Variants in PHACTR2 observed in about 807,000 individuals in gnomAD.
PHACTR2 encodes chromosome 6 open reading frame 56.
In PHACTR2, 30 loss-of-function variants were observed where a neutral mutation model predicts 76.0. The observed-to-expected ratio is 0.39, with a 90% CI of 0.30 to 0.54. PHACTR2 has a LOEUF of 0.54. Ranked by LOEUF, PHACTR2 falls within the 20% of genes least tolerant of loss-of-function variation. PHACTR2 has a pLI of 0.61. For synonymous variants in PHACTR2, 292 were observed against 292.5 expected (o/e 1.00, Z 0.02); for missense variants, 696 against 781.1 (o/e 0.89, Z 1.30).
upstream of PHACTR2, among the ~76,000 whole-genome samples, chr6:143,673,411 G>T (rs1777190329): frequency 6.6e-6 from 1 of 151,660 alleles, no homozygotes; most frequent in African/African-American, 2.4e-5. Flanking sequence ...TATGTATTCA[G>T]TACCCTCTAT....
rs112494577 is a variant in PHACTR2, at chr6:143,652,390, C to CTGTTTGTTTGTT, written c.13+44086_13+44097dup. ...CAGCTAGACAAAGGTACCTGCGCTG[C>CTGTTTGTTTGTT]TGTTTGTTTGTTTGTTTGTTTGTTT... On this transcript the variant is annotated intron_variant, in intron 1 of 11. Transcript: ENST00000305766. The surrounding 1 kb of genome is among the most constrained non-coding windows in gnomAD (Gnocchi z 4.5). Among the ~76,000 whole-genome samples the CTGTTTGTTTGTT allele has an allele frequency of 2.7e-3, 408 of 151,998 alleles. 1 individual carries two copies. The highest frequency in any genetic ancestry group is 9.4e-3 in the African/African-American group (390 of 41,396).
chr6:143,548,264 C>A lies in PHACTR2; in HGVS notation c.217+11057C>A, dbSNP rs900407024. Among the ~76,000 whole-genome samples the A allele has an allele frequency of 2.7e-5, 4 of 149,826 alleles. No homozygotes were observed. ...TTCATGAAGGTTCCACCCTCAATAC[C>A]TCATCTAATCCTTATTACCTCCCAA... On this transcript the variant is annotated intron_variant, in intron 1 of 11. Coordinates refer to the PHACTR2 transcript ENST00000367584. This position sits in a 1 kb window ranked among gnomAD's most constrained non-coding sequence, Gnocchi z 4.5.
At chr6:143,732,212 G>A (rs941173822) in intron 2 of PHACTR2, among the ~76,000 whole-genome samples, 1 of 152,168 alleles carries the variant, frequency 6.6e-6, no homozygotes, top group Admixed American at 6.5e-5. Flanking sequence ...ATATTCATGA[G>A]CTGTGAAACC....
At chr6:143,644,479 A>AG (rs1175592036) in intron 1 of PHACTR2, among the ~76,000 whole-genome samples, 1 of 145,420 alleles carries the variant, frequency 6.9e-6, no homozygotes, top group Admixed American at 6.9e-5. Flanking sequence ...AAAAAAAAAA[A>AG]AAAAAAGTAC....
At chr6:143,626,298 G>C (rs1388257551) in intron 1 of PHACTR2, among the ~76,000 whole-genome samples, 1 of 152,158 alleles carries the variant, frequency 6.6e-6, no homozygotes, top group African/African-American at 2.4e-5. Flanking sequence ...AGCACTTTGG[G>C]AGGCCGAGAT....
intron 1 of PHACTR2, among the ~76,000 whole-genome samples, chr6:143,630,183 T>C (rs1045589280): frequency 3.1e-5 from 4 of 128,204 alleles, no homozygotes; most frequent in Admixed American, 8.0e-5. Context: ...TAAATATTAT[T>C]TGAATGAAGA....
At position 143,679,109 on chromosome 6, in the gene PHACTR2, A is replaced by G. The variant is rs144951265; in HGVS notation, c.46+900A>G. 0.012 allele frequency among the ~76,000 whole-genome samples: 1,865 copies of G among 152,300 alleles called. 15 individuals are homozygous for G. The highest frequency in any genetic ancestry group is 0.017 in the Non-Finnish European group (1,168 of 68,020). On this transcript the variant is annotated intron_variant, in intron 1 of 12. Coordinates refer to ENST00000440869, the MANE Select transcript of PHACTR2 (RefSeq NM_001100164.2). This position sits in a 1 kb window ranked among gnomAD's most constrained non-coding sequence, Gnocchi z 4.6. ...TTGATACACTTTTTAAATTGTGCAA[A>G]CATCAACAGGATCTTGCTGAAAGGA...
chr6:143,649,856 G>A (rs1776726810), intron 1 of PHACTR2, among the ~76,000 whole-genome samples: 5 of 152,162 alleles, frequency 3.3e-5, no homozygotes, highest in Admixed American at 2.6e-4. Flanking sequence ...AATCAGGCAA[G>A]AGAAAGAAAT....
intron 1 of PHACTR2, among the ~76,000 whole-genome samples, chr6:143,668,819 C>G (rs1777094323): frequency 6.6e-6 from 1 of 152,048 alleles, no homozygotes; most frequent in South Asian, 2.1e-4. Context: ...TTCAAAAAAC[C>G]AGCTCCTGGA....
Position 143,820,807 on chromosome 6 carries a change from G to A in PHACTR2, c.1923-2867G>A, listed in dbSNP as rs1428270567. Among the ~76,000 whole-genome samples, 1 of 152,242 alleles carries A rather than the reference G, an allele frequency of 6.6e-6. No individual in the cohort carries two copies. The highest frequency in any genetic ancestry group is 2.4e-5 in the African/African-American group (1 of 41,472). On this transcript the variant is annotated intron_variant, in intron 12 of 12. Coordinates refer to ENST00000440869, the MANE Select transcript of PHACTR2 (RefSeq NM_001100164.2). The surrounding 1 kb of genome is among the most constrained non-coding windows in gnomAD (Gnocchi z 4.2). The stretch of plus-strand genomic sequence containing the variant: ...CTCATTTCCCTTCCACACTGCCCTA[G>A]TAGAGGTTCTCTGTGGGGGCTGTGC...
At position 143,822,173 on chromosome 6, in the gene PHACTR2, A is replaced by T. The variant is rs1297366407; in HGVS notation, c.1923-1501A>T. On this transcript the variant is annotated intron_variant, in intron 12 of 12. Transcript: ENST00000440869. This position sits in a 1 kb window ranked among gnomAD's most constrained non-coding sequence, Gnocchi z 5.5. ...CTTACTTGCTACTCCAGGAACTTTA[A>T]ATTTTATTTTGTTGGCTTTCTTATT... Among the ~76,000 whole-genome samples the T allele has an allele frequency of 2.0e-5, 3 of 152,072 alleles. No individual in the cohort carries two copies. Among genetic ancestry groups the T allele is most frequent in the South Asian group, 2.1e-4 (1 of 4,822 alleles).
intron 4 of PHACTR2, among the ~76,000 whole-genome samples, chr6:143,759,423 G>T (rs1562296108): frequency 6.6e-6 from 1 of 152,154 alleles, no homozygotes; most frequent in Admixed American, 6.5e-5. Flanking sequence ...GGAGGCCAAG[G>T]CAGGCAAATT....
At chr6:143,574,047 G>A (rs1489479289) in intron 1 of PHACTR2, among the ~76,000 whole-genome samples, 2 of 152,174 alleles carry the variant, frequency 1.3e-5, no homozygotes, top group South Asian at 4.1e-4. Context: ...CACTCAAGGT[G>A]TCAGCTGGGC....
intron 9 of PHACTR2, among the ~76,000 whole-genome samples, chr6:143,781,861 C>T (rs1775440406): frequency 6.6e-6 from 1 of 152,168 alleles, no homozygotes; most frequent in South Asian, 2.1e-4. Context: ...CTCATTGTTT[C>T]TTGTCTTGTG....
At chr6:143,802,268 T>C (rs1775974978) in intron 11 of PHACTR2, among the ~76,000 whole-genome samples, 1 of 152,140 alleles carries the variant, frequency 6.6e-6, no homozygotes, top group African/African-American at 2.4e-5. Flanking sequence ...TTCCCATTGG[T>C]TGTACAACCC....
At chr6:143,768,813 T>A (rs965333301) in intron 6 of PHACTR2, among the ~76,000 whole-genome samples, 2 of 152,238 alleles carry the variant, frequency 1.3e-5, no homozygotes, top group Non-Finnish European at 2.9e-5. Flanking sequence ...GTAGTTATAA[T>A]GCTTTCCTAG....
rs1775210577 is a variant in PHACTR2, at chr6:143,558,344, A to G, written c.217+21137A>G. Among the ~76,000 whole-genome samples, 1 of 152,128 alleles carries G rather than the reference A, an allele frequency of 6.6e-6. No homozygotes were observed. On this transcript the variant is annotated intron_variant, in intron 1 of 11. Coordinates refer to the PHACTR2 transcript ENST00000367584. This position sits in a 1 kb window ranked among gnomAD's most constrained non-coding sequence, Gnocchi z 4.7. ...TTTACATGTAAAAATATGATAGGAGAAAAAAGATGTCTACTTTTTTGCTTC... is the reference window on the plus strand; with the variant it reads ...TTTACATGTAAAAATATGATAGGAGGAAAAAGATGTCTACTTTTTTGCTTC...
chr6:143,608,723 C>T lies in PHACTR2; in HGVS notation c.13+401C>T, dbSNP rs147267989. 1.1e-4 allele frequency among the ~76,000 whole-genome samples: 16 copies of T among 152,270 alleles called. No individual in the cohort carries two copies. In the East Asian group the frequency reaches 2.7e-3, roughly 26 times the overall value. ...AATTCTGTGTAAATATTACAATATG[C>T]ACAGTGTAACAGCATAAGAGCTCTT... On this transcript the variant is annotated intron_variant, in intron 1 of 11. Coordinates refer to the PHACTR2 transcript ENST00000305766. This position sits in a 1 kb window ranked among gnomAD's most constrained non-coding sequence, Gnocchi z 4.6.
rs1582893738 is a variant in PHACTR2 at position 143,800,247 on chromosome 6, C to T, written c.1846-6810C>T. The stretch of plus-strand genomic sequence containing the variant: ...TCTATTTGCTTGGTAGGTCTTCCTC[C>T]ATCCCTTTATTTTTTTTATTTTTTA... On this transcript the variant is annotated intron_variant, in intron 11 of 12. Coordinates refer to ENST00000440869, the MANE Select transcript of PHACTR2 (RefSeq NM_001100164.2). The surrounding 1 kb of genome is among the most constrained non-coding windows in gnomAD (Gnocchi z 4.8). 6.6e-6 allele frequency among the ~76,000 whole-genome samples: 1 copy of T among 152,020 alleles called. No homozygotes were observed. Among genetic ancestry groups the T allele is most frequent in the East Asian group, 1.9e-4 (1 of 5,168 alleles).
Sources: allele counts gnomAD v4.1 joint callset (sites outside exome capture counted in the v4.1 genomes callset), GRCh38; gene constraint gnomAD v4.1.1; non-coding constraint Gnocchi (gnomAD v3.1); transcripts MANE v1.5; gene names NCBI Gene and HGNC (gene_info 2026-07-23, HGNC 2026-07-21).